Variants in ETAA1 observed in about 807,000 individuals in gnomAD.
ETAA1 encodes ewing's tumor-associated antigen 1.
Under a neutral mutation model 76.8 loss-of-function variants are expected in ETAA1, and 49 were observed. The observed-to-expected ratio is 0.64, with a 90% CI of 0.51 to 0.81. ETAA1 has a LOEUF of 0.81. Among genes scored for constraint, ETAA1 ranks in the 30% least tolerant of loss-of-function variants. The probability of loss-of-function intolerance (pLI) is 0.00; values close to 1 mark genes in which losing one functional copy is unlikely to be tolerated. For missense variants in ETAA1, 1,099 were observed against 1,074.0 expected (o/e 1.02, Z -0.32); for synonymous variants, 373 against 372.2 (o/e 1.00, Z -0.03).
rs776420941 is a variant in ETAA1, at chr2:67,405,222, C to G, written c.2540C>G (p.Thr847Ser). 1.9e-6 allele frequency: 3 copies of G among 1,612,276 alleles called. No homozygotes were observed. The Admixed American group carries it at 5.0e-5, about 27-fold the overall frequency. ...TGTATAACTGGAAGTATGTCTGATA[C>G]CAAAATTACACAGGGTGTGGAGAAA... is the stretch of plus-strand genomic sequence containing the variant. ...QNCITGSMSD[T>S]KITQGVEKKK... is the part of the protein sequence containing the mutation. The change falls in exon 5 of 6, where the codon ACC becomes AGC. Residue 847 changes from threonine (T) to serine (S), a missense_variant. This residue lies in a region of ETAA1 where 302 missense variants were observed against 278.1 expected (regional missense o/e 1.09). Coordinates refer to ENST00000272342, the MANE Select transcript of ETAA1 (RefSeq NM_019002.4).
In ETAA1 at chr2:67,405,705, A is replaced by C. The variant is rs143660064; in HGVS notation, c.2653+370A>C. 1.1e-3 allele frequency among the ~76,000 whole-genome samples: 168 copies of C among 152,210 alleles called. 1 individual carries two copies. Among genetic ancestry groups the C allele is most frequent in the African/African-American group, 3.8e-3 (160 of 41,564 alleles). On this transcript the variant is annotated intron_variant, in intron 5 of 5. Coordinates refer to ENST00000272342, the MANE Select transcript of ETAA1 (RefSeq NM_019002.4). The stretch of plus-strand genomic sequence containing the variant: ...ATTTACTAAATTGTTTTAAAACTTG[A>C]GTAATCTGGGAAGCAGATGATGAAG...
In ETAA1 at chr2:67,410,180, T is replaced by C. The variant is rs184465281; in HGVS notation, c.*142T>C. 6.1e-5 allele frequency: 45 copies of C among 743,702 alleles called. No individual in the cohort carries two copies. The highest frequency in any genetic ancestry group is 9.3e-5 in the Non-Finnish European group (42 of 451,752). The allele number at this position is 743,702 out of a possible 1,614,324, so 46.1% of individuals were successfully genotyped here. ...ACTTCTACTTTATTTAATAAATCAATGTTTGCAATGGTAAATGAAACATTT... is the reference window on the plus strand; with the variant it reads ...ACTTCTACTTTATTTAATAAATCAACGTTTGCAATGGTAAATGAAACATTT... On this transcript the variant is annotated 3_prime_UTR_variant, in exon 6 of 6. Transcript: ENST00000272342.
At chr2:67,400,800 A>T (rs1676032575) in intron 3 of ETAA1, 1 of 152,196 alleles carries the variant, frequency 6.6e-6, no homozygotes, top group Admixed American at 6.5e-5. Context: ...CAGGTGGAAG[A>T]GACAGAAAAT....
chr2:67,408,057 A>G (rs1329113475), intron 5 of ETAA1, among the ~76,000 whole-genome samples: 1 of 152,154 alleles, frequency 6.6e-6, no homozygotes, highest in Non-Finnish European at 1.5e-5. Flanking sequence ...GTTTTAGCTT[A>G]CCTTATCAAT....
intron 3 of ETAA1, chr2:67,401,436 A>G (rs1676053617): frequency 6.6e-6 from 1 of 151,882 alleles, no homozygotes; most frequent in South Asian, 2.1e-4. Flanking sequence ...ACTTTTATAC[A>G]ATGTTGTTTA....
Position 67,402,963 on chromosome 2 carries a change from C to G in ETAA1, c.531C>G (p.Ile177Met). The G allele has an allele frequency of 3.1e-6, 5 of 1,602,424 alleles. No homozygotes were observed. Among genetic ancestry groups the G allele is most frequent in the Non-Finnish European group, 4.3e-6 (5 of 1,174,704 alleles). Residue 177 changes from isoleucine (I) to methionine (M), a missense_variant, in exon 4 of 6, where the codon ATC (isoleucine) becomes ATG (methionine). This residue lies in a region of ETAA1 where 761 missense variants were observed against 731.9 expected (regional missense o/e 1.04). Coordinates refer to ENST00000272342, the MANE Select transcript of ETAA1 (RefSeq NM_019002.4). ...SVAKGKSRAKISCTKLKTQSQ... is the reference protein window; with the variant it reads ...SVAKGKSRAKMSCTKLKTQSQ... ...CAAAAGGAAAATCAAGAGCAAAAAT[C>G]AGCTGCACAAAGTAAGTTAAGACTT...
At chr2:67,400,926 T>G (rs1676037215) in intron 3 of ETAA1, 2 of 152,182 alleles carry the variant, frequency 1.3e-5, no homozygotes, top group African/African-American at 4.8e-5. Flanking sequence ...TTCATTTTAC[T>G]TACAGTTAAT....
Position 67,403,584 on chromosome 2 carries a change from T to C in ETAA1, c.902T>C (p.Leu301Pro), listed in dbSNP as rs769234311. 1.2e-6 allele frequency: 2 copies of C among 1,613,364 alleles called. No homozygotes were observed. The highest frequency in any genetic ancestry group is 1.7e-6 in the Non-Finnish European group (2 of 1,179,406). Residue 301 changes from leucine to proline, a missense_variant, in exon 5 of 6, where the codon CTG (leucine) becomes CCG (proline). Physicochemically the swap from Leu to Pro is moderately conservative, Grantham distance 98. Around this residue, in one of 3 missense-constraint regions of ETAA1, gnomAD observed 761 missense variants for 731.9 expected, o/e 1.04. Coordinates refer to ENST00000272342, the MANE Select transcript of ETAA1 (RefSeq NM_019002.4). ...QKCSGQLSQE[L>P]PEAFWSTSNT... ...TGTAGCGGACAGTTAAGCCAAGAACTGCCAGAGGCTTTTTGGAGCACCAGT... is the reference window on the plus strand; with the variant it reads ...TGTAGCGGACAGTTAAGCCAAGAACCGCCAGAGGCTTTTTGGAGCACCAGT...
intron 2 of ETAA1, 95 bp from the exon 3 acceptor site, chr2:67,399,455 G>A: frequency 8.7e-7 from 1 of 1,154,972 alleles, no homozygotes; most frequent in Non-Finnish European, 1.3e-6. Context: ...CCTCTAAGCT[G>A]CACTAAATAA....
Position 67,399,060 on chromosome 2 carries a change from AT to A in ETAA1, c.224-107del, listed in dbSNP as rs1468719504. 1.4e-5 allele frequency: 14 copies of A among 1,012,454 alleles called. No homozygotes were observed. The African/African-American group carries it at 2.1e-4, about 16-fold the overall frequency. 62.7% of individuals were successfully genotyped at this position (1,012,454 alleles called of 1,614,324 possible). ...CAGGTAATTATCTCTGGGAAAAAAAATTATCTTGGACTATAAAAGTTAGTCT... is the reference window on the plus strand; with the variant it reads ...CAGGTAATTATCTCTGGGAAAAAAAATATCTTGGACTATAAAAGTTAGTCT... On this transcript the variant is annotated intron_variant, in intron 1 of 5. Transcript: ENST00000272342.
At position 67,399,194 on chromosome 2, in the gene ETAA1, G is replaced by C. The variant is rs772818206; in HGVS notation, c.249G>C (p.Ala83=). The C allele has an allele frequency of 1.4e-5, 23 of 1,612,586 alleles. No homozygotes were observed. The highest frequency in any genetic ancestry group is 2.0e-5 in the Non-Finnish European group (23 of 1,179,206). ...PEERYETPKR[A]LKMDSLSSSF... is the part of the protein sequence containing the mutation. The stretch of plus-strand genomic sequence containing the variant: ...AAAGGTATGAAACACCAAAGAGAGC[G>C]CTGAAAATGGACTCACTGTCATCTT... Residue 83 remains alanine (A), a synonymous_variant, in exon 2 of 6, where the codon GCG becomes GCC. Transcript: ENST00000272342.
In ETAA1 at chr2:67,397,377, A is replaced by T; in HGVS notation, c.-72A>T. On this transcript the variant is annotated 5_prime_UTR_variant, in exon 1 of 6. An upstream open reading frame in the 5' UTR loses its in-frame stop. Transcript: ENST00000272342. ...GCCGTTGGTGCGGGGTGCGGTTTGT[A>T]GTGCTGTTGCCCTACTCATCCCTTT... is the stretch of plus-strand genomic sequence containing the variant. 1.4e-6 allele frequency: 2 copies of T among 1,454,886 alleles called. No homozygotes were observed. Among genetic ancestry groups the T allele is most frequent in the South Asian group, 2.4e-5 (2 of 81,844 alleles). 90.1% of individuals were successfully genotyped at this position (1,454,886 alleles called of 1,614,324 possible).
At chr2:67,397,793 C>G in intron 1 of ETAA1, 122 bp downstream of exon 1, 1 of 1,016,686 alleles carries the variant, frequency 9.8e-7, no homozygotes, top group Non-Finnish European at 1.4e-6. Flanking sequence ...CTGGGATTCA[C>G]CCCTCGAGAG....
chr2:67,400,121 G>C (rs987072308), intron 3 of ETAA1, among the ~76,000 whole-genome samples: 4 of 152,116 alleles, frequency 2.6e-5, no homozygotes, highest in African/African-American at 9.7e-5. Flanking sequence ...AACCTCCTAT[G>C]CTGTGTGACC....
Position 67,404,795 on chromosome 2 carries a change from T to C in ETAA1, c.2113T>C (p.Ser705Pro). The change falls in exon 5 of 6, where the codon TCT (serine) becomes CCT (proline). Residue 705 changes from serine (S) to proline (P), a missense_variant. Ser to Pro is a moderately conservative substitution (Grantham distance 74). Transcript: ENST00000272342. ...TCCAGGCAGCATTTCAGTGCAGACATCTTTGACAAATAGCTCACAAATAGA... is the reference window on the plus strand; with the variant it reads ...TCCAGGCAGCATTTCAGTGCAGACACCTTTGACAAATAGCTCACAAATAGA... Reference protein sequence around the residue: ...LNPGSISVQTSLTNSSQIDKP... With the variant: ...LNPGSISVQTPLTNSSQIDKP... 1 of 1,613,436 alleles carries C rather than the reference T, an allele frequency of 6.2e-7. No individual in the cohort carries two copies. The highest frequency in any genetic ancestry group is 8.5e-7 in the Non-Finnish European group (1 of 1,179,592).
In ETAA1 at chr2:67,403,949, A is replaced by G; in HGVS notation, c.1267A>G (p.Thr423Ala). The G allele has an allele frequency of 6.2e-7, 1 of 1,609,892 alleles. No individual in the cohort carries two copies. The highest frequency in any genetic ancestry group is 8.5e-7 in the Non-Finnish European group (1 of 1,178,546). Reference protein sequence around the residue: ...QKEICTFNSKTVKNTSRANTS... With the variant: ...QKEICTFNSKAVKNTSRANTS... ...GGAAATTTGTACCTTTAATAGTAAA[A>G]CTGTTAAAAATACGTCAAGAGCAAA... is the stretch of plus-strand genomic sequence containing the variant. The change falls in exon 5 of 6, where the codon ACT becomes GCT. Residue 423 changes from threonine to alanine, a missense_variant. Thr to Ala is a moderately conservative substitution (Grantham distance 58). Coordinates refer to ENST00000272342, the MANE Select transcript of ETAA1 (RefSeq NM_019002.4).
At position 67,411,386 on chromosome 2, in the gene ETAA1, T is replaced by C. The variant is rs1047950604; in HGVS notation, c.*1348T>C. 1.3e-5 allele frequency: 2 copies of C among 152,046 alleles called. No individual in the cohort carries two copies. Among genetic ancestry groups the C allele is most frequent in the Non-Finnish European group, 1.5e-5 (1 of 67,978 alleles). 9.4% of individuals were successfully genotyped at this position (152,046 alleles called of 1,614,324 possible). On this transcript the variant is annotated 3_prime_UTR_variant, in exon 6 of 6. Coordinates refer to ENST00000272342, the MANE Select transcript of ETAA1 (RefSeq NM_019002.4). ...TACATCCCAATAAACCCATCATGAG[T>C]TGAAAATACCTTAAGTTAAAAATGC...
chr2:67,397,452 A>G lies in ETAA1; in HGVS notation c.4A>G (p.Ser2Gly). Residue 2 changes from serine to glycine, a missense_variant, in exon 1 of 6, where the codon AGT becomes GGT. Ser to Gly is a moderately conservative substitution (Grantham distance 56). Transcript: ENST00000272342. M[S>G]RRRKHDDSPS... ...TGGTGGAGGCGGGCCATAGGCAATG[A>G]GTCGGCGAAGGAAACATGATGACAG... 6.3e-7 allele frequency: 1 copy of G among 1,592,408 alleles called. No individual in the cohort carries two copies. The highest frequency in any genetic ancestry group is 8.6e-7 in the Non-Finnish European group (1 of 1,169,358).
chr2:67,405,323 C>T lies in ETAA1; in HGVS notation c.2641C>T (p.Gln881Ter). ...SLVKLSESLK[Q>*]SSKEEEEKNR... ...GGTGAAACTTTCTGAATCTTTGAAACAATCTTCAAAAGGTATGTATGAAAT... is the reference window on the plus strand; with the variant it reads ...GGTGAAACTTTCTGAATCTTTGAAATAATCTTCAAAAGGTATGTATGAAAT... The change falls in exon 5 of 6, where the codon CAA (glutamine) becomes TAA (stop). Residue 881 changes from glutamine (Q) to a stop codon, truncating the protein, a stop_gained. Transcript: ENST00000272342. LOFTEE classifies it high-confidence loss of function. 6.5e-7 allele frequency: 1 copy of T among 1,536,924 alleles called. No homozygotes were observed.
Sources: allele counts gnomAD v4.1 joint callset (sites outside exome capture counted in the v4.1 genomes callset), GRCh38; gene constraint gnomAD v4.1.1; regional missense constraint gnomAD v4.1.1; transcripts MANE v1.5; gene names NCBI Gene and HGNC (gene_info 2026-07-23, HGNC 2026-07-21).